The following NTM variants were observed in gnomAD, a reference collection of about 807,000 sequenced individuals.
The protein encoded by NTM is IgLON family member 2.
In NTM, 13 loss-of-function variants were observed where a neutral mutation model predicts 42.1. The ratio of observed to expected loss-of-function variants is 0.31; its 90% CI spans 0.20 to 0.49. The LOEUF is 0.49. NTM is among the 20% of genes least tolerant of loss of function. NTM has a pLI of 0.99. For missense variants in NTM, 373 were observed against 452.8 expected, an observed-to-expected ratio of 0.82 and a Z score of 1.60; for synonymous variants, 187 against 179.2, an observed-to-expected ratio of 1.04 and a Z score of -0.35.
intron 1 of NTM, among the ~76,000 whole-genome samples, chr11:131,896,324 T>C (rs2052262092): frequency 6.6e-6 from 1 of 152,012 alleles, no homozygotes; most frequent in Non-Finnish European, 1.5e-5. Flanking sequence ...GAGAAATAAA[T>C]AGAAAATGAT....
At chr11:131,666,450 A>G (rs2134558297) in intron 1 of NTM, among the ~76,000 whole-genome samples, 1 of 152,290 alleles carries the variant, frequency 6.6e-6, no homozygotes, top group East Asian at 1.9e-4. Flanking sequence ...TATACCACAA[A>G]TGCACAAGGC....
chr11:132,257,102 CA>C (rs914096997), intron 4 of NTM, among the ~76,000 whole-genome samples: 12 of 152,198 alleles, frequency 7.9e-5, no homozygotes, highest in Non-Finnish European at 1.5e-4. Flanking sequence ...CTCTGGCACC[CA>C]GGGGGAAAAT....
intron 3 of NTM, among the ~76,000 whole-genome samples, chr11:132,193,855 A>G (rs112224483): frequency 0.011 from 1,691 of 152,258 alleles, 19 homozygotes; most frequent in Middle Eastern, 0.031. Flanking sequence ...CACACAAACT[A>G]AAAAACCTAG....
Position 132,005,287 on chromosome 11 carries a change from T to C in NTM, c.167+93639T>C, listed in dbSNP as rs188558464. Among the ~76,000 whole-genome samples the C allele has an allele frequency of 1.5e-3, 222 of 152,336 alleles. 1 individual carries two copies. The highest frequency in any genetic ancestry group is 2.6e-3 in the Non-Finnish European group (176 of 68,028). ...AGATGGTGTCAGAAAGACTGGAGAA[T>C]AAATCTTCTCTTGGGTGATGAATAT... On this transcript the variant is annotated intron_variant, in intron 2 of 8. Transcript: ENST00000683400.
intron 2 of NTM, among the ~76,000 whole-genome samples, chr11:132,038,635 C>A (rs746794352): frequency 4.6e-5 from 7 of 152,210 alleles, no homozygotes; most frequent in Non-Finnish European, 7.3e-5. Context: ...ACCCTTGCTG[C>A]TGTTGCTGCA....
intron 1 of NTM, among the ~76,000 whole-genome samples, chr11:131,802,889 G>C (rs1461376022): frequency 1.3e-5 from 2 of 152,216 alleles, no homozygotes; most frequent in Non-Finnish European, 2.9e-5. Context: ...CTTTGCTGCT[G>C]TTGAGAATTG....
At chr11:131,576,449 T>A (rs1241251062) in intron 1 of NTM, among the ~76,000 whole-genome samples, 1 of 152,178 alleles carries the variant, frequency 6.6e-6, no homozygotes, top group African/African-American at 2.4e-5. Context: ...TCACCCATTG[T>A]CTTATACTTT....
At chr11:131,491,590 A>G (rs573278005) in intron 1 of NTM, among the ~76,000 whole-genome samples, 135 of 152,258 alleles carry the variant, frequency 8.9e-4, no homozygotes, top group Admixed American at 2.8e-3. Context: ...CAGAGGCTTC[A>G]CTCTGAAAGG....
At chr11:132,220,996 C>T (rs2085040593) in intron 4 of NTM, among the ~76,000 whole-genome samples, 1 of 152,166 alleles carries the variant, frequency 6.6e-6, no homozygotes, top group Admixed American at 6.5e-5. Flanking sequence ...AGGGTACCTC[C>T]TCGAGTCACA....
At chr11:132,201,702 T>C (rs984492354) in intron 3 of NTM, among the ~76,000 whole-genome samples, 2 of 152,260 alleles carry the variant, frequency 1.3e-5, no homozygotes, top group Admixed American at 6.5e-5. Context: ...CAAACAATTA[T>C]GCTGTTTACC....
intron 2 of NTM, among the ~76,000 whole-genome samples, chr11:132,126,312 G>C (rs2065828783): frequency 6.6e-6 from 1 of 152,178 alleles, no homozygotes; most frequent in African/African-American, 2.4e-5. Flanking sequence ...CACACACCAC[G>C]GACAATGCTG....
chr11:131,490,650 G>A (rs1325501102), intron 1 of NTM, among the ~76,000 whole-genome samples: 2 of 152,182 alleles, frequency 1.3e-5, no homozygotes, highest in Non-Finnish European at 2.9e-5. Flanking sequence ...TGAACTGTCT[G>A]CTTGCAAGAT....
intron 2 of NTM, among the ~76,000 whole-genome samples, chr11:132,031,435 C>T (rs1036827666): frequency 3.9e-5 from 6 of 152,036 alleles, no homozygotes; most frequent in Non-Finnish European, 8.8e-5. Context: ...TGGCTTTGAC[C>T]ATGGTGTAGG....
At chr11:131,860,202 C>T (rs12419734) in intron 1 of NTM, among the ~76,000 whole-genome samples, 2,390 of 152,252 alleles carry the variant, frequency 0.016, 30 homozygotes, top group Non-Finnish European at 0.024. Context: ...GAGGGACTGA[C>T]GGGGCCCCCA....
chr11:132,196,503 C>T (rs766633522), intron 3 of NTM, among the ~76,000 whole-genome samples: 8 of 152,046 alleles, frequency 5.3e-5, no homozygotes, highest in African/African-American at 9.7e-5. Flanking sequence ...ATGTTTATTG[C>T]GGCACTATTC....
At chr11:131,784,535 TAGAATAGG>T (rs1199813106) in intron 1 of NTM, among the ~76,000 whole-genome samples, 2 of 152,150 alleles carry the variant, frequency 1.3e-5, no homozygotes, top group African/African-American at 4.8e-5. Flanking sequence ...TGTAAAGCTC[TAGAATAGG>T]TGAAACCAAA....
intron 4 of NTM, among the ~76,000 whole-genome samples, chr11:132,303,818 C>T (rs1454975394): frequency 5.9e-5 from 9 of 151,746 alleles, no homozygotes; most frequent in African/African-American, 1.5e-4. Flanking sequence ...GCAGTGGTGG[C>T]GTGGTATACC....
At chr11:131,773,997 T>C (rs902220680) in intron 1 of NTM, 34 of 984,122 alleles carry the variant, frequency 3.5e-5, no homozygotes, top group Non-Finnish European at 3.9e-5. Flanking sequence ...CCTGACATCT[T>C]CCGTCGTCTC....
chr11:131,681,239 A>G (rs568672991), intron 1 of NTM, among the ~76,000 whole-genome samples: 192 of 17,700 alleles, frequency 0.011, no homozygotes, highest in East Asian at 0.014. Flanking sequence ...CTCCCTGTGT[A>G]TGTGAGCGTG....
Sources: gnomAD v4.1 joint callset for allele counts (sites outside exome capture counted in the v4.1 genomes callset) on GRCh38, gnomAD v4.1.1 for gene constraint, MANE v1.5 for transcripts, NCBI Gene and HGNC (gene_info 2026-07-23, HGNC 2026-07-21) for gene names.